GDAP2: variants seen among roughly 807,000 people sequenced by gnomAD.
GDAP2 encodes ganglioside induced differentiation associated protein 2, also known as ganglioside-induced differentiation-associated protein 2.
A neutral mutation model predicts 67.0 loss-of-function variants in GDAP2; 51 were observed. That is an observed-to-expected ratio of 0.76 (90% confidence interval 0.61 to 0.96). GDAP2 has a LOEUF of 0.96. Among genes scored for constraint, GDAP2 ranks in the 40% least tolerant of loss-of-function variants. The probability of loss-of-function intolerance (pLI) is 0.00; values close to 1 mark genes in which losing one functional copy is unlikely to be tolerated. For synonymous variants in GDAP2, 203 were observed against 207.3 expected, an observed-to-expected ratio of 0.98 and a Z score of 0.18; for missense variants, 547 against 588.3, an observed-to-expected ratio of 0.93 and a Z score of 0.73.
At chr1:117,893,994 A>G (rs1340669013) in intron 8 of GDAP2, among the ~76,000 whole-genome samples, 1 of 152,178 alleles carries the variant, frequency 6.6e-6, no homozygotes, top group Non-Finnish European at 1.5e-5. Context: ...GTATTTTTTA[A>G]CTTGCAAATC....
chr1:117,873,027 T>C (rs1288172162), intron 13 of GDAP2, among the ~76,000 whole-genome samples: 1 of 152,124 alleles, frequency 6.6e-6, no homozygotes, highest in Non-Finnish European at 1.5e-5. Context: ...CTATTACCAA[T>C]TTTTTCTAAG....
At chr1:117,884,225 T>C (rs1407682058) in intron 10 of GDAP2, among the ~76,000 whole-genome samples, 1 of 152,096 alleles carries the variant, frequency 6.6e-6, no homozygotes, top group Non-Finnish European at 1.5e-5. Flanking sequence ...TAGATGGCAA[T>C]AGGTTGGGAA....
intron 3 of GDAP2, among the ~76,000 whole-genome samples, chr1:117,917,054 G>C (rs1650073193): frequency 6.6e-6 from 1 of 150,770 alleles, no homozygotes; most frequent in Admixed American, 6.6e-5. Flanking sequence ...AAAAAAGAAA[G>C]AAAAAGAAAA....
In GDAP2 at chr1:117,864,796, G is replaced by T. The variant is rs149120896; in HGVS notation, c.*5773C>A. The T allele has an allele frequency of 6.6e-6, 1 of 152,006 alleles. No individual in the cohort carries two copies. Among genetic ancestry groups the T allele is most frequent in the East Asian group, 1.9e-4 (1 of 5,186 alleles). 9.4% of individuals were successfully genotyped at this position (152,006 alleles called of 1,614,324 possible). On this transcript the variant is annotated 3_prime_UTR_variant, in exon 14 of 14. Transcript: ENST00000369443. The stretch of plus-strand genomic sequence containing the variant: ...TTTGAGAAAACTGGTCTACACGGTC[G>T]GTCCTGCTTGTGAATGTCGTCTTCA...
intron 1 of GDAP2, among the ~76,000 whole-genome samples, chr1:117,920,994 A>G (rs1159901264): frequency 6.6e-6 from 1 of 152,178 alleles, no homozygotes; most frequent in Non-Finnish European, 1.5e-5. Context: ...GGTGTGTGAG[A>G]CAGTGATATG....
intron 13 of GDAP2, among the ~76,000 whole-genome samples, chr1:117,875,415 G>A (rs1470243442): frequency 6.6e-6 from 1 of 152,208 alleles, no homozygotes; most frequent in African/African-American, 2.4e-5. Flanking sequence ...AGTGGTGGAG[G>A]CTTGGCAGCT....
At chr1:117,909,896 T>A (rs187758348) in intron 5 of GDAP2, among the ~76,000 whole-genome samples, 230 of 152,236 alleles carry the variant, frequency 1.5e-3, no homozygotes, top group Non-Finnish European at 2.8e-3. Flanking sequence ...ATTCAGAACC[T>A]TTTCTACAAA....
rs932981854 is a variant in GDAP2 at position 117,866,910 on chromosome 1, A to G, written c.*3659T>C. On this transcript the variant is annotated 3_prime_UTR_variant, in exon 14 of 14. Transcript: ENST00000369443. The stretch of plus-strand genomic sequence containing the variant: ...AAGAAAAAGAAACCTAACTAACTCC[A>G]GTTTTCAAGGTGTTTTTATATTATC... 3.3e-5 allele frequency: 5 copies of G among 151,492 alleles called. No individual in the cohort carries two copies. Among genetic ancestry groups the G allele is most frequent in the African/African-American group, 9.7e-5 (4 of 41,216 alleles). 9.4% of individuals were successfully genotyped at this position (151,492 alleles called of 1,614,324 possible). A position where few individuals can be genotyped will look rare whatever the true frequency, so the allele number is the denominator to read the frequency against.
chr1:117,923,976 T>C (rs536026141), intron 1 of GDAP2, among the ~76,000 whole-genome samples: 1 of 152,372 alleles, frequency 6.6e-6, no homozygotes, highest in Admixed American at 6.5e-5. Flanking sequence ...ACAGTCTGGA[T>C]ATTGTTGCTT....
rs1282648073 is a variant in GDAP2 at position 117,864,238 on chromosome 1, T to G, written c.*6331A>C. 2 of 152,258 alleles carry G rather than the reference T, an allele frequency of 1.3e-5. No homozygotes were observed. Among genetic ancestry groups the G allele is most frequent in the Admixed American group, 1.3e-4 (2 of 15,280 alleles). The allele number at this position is 152,258 out of a possible 1,614,324, so 9.4% of individuals were successfully genotyped here. The stretch of plus-strand genomic sequence containing the variant: ...AAAACCAAATATTGGCAGAACCATC[T>G]CAGTGCTTAGGTTTGTATTTGTATT... On this transcript the variant is annotated 3_prime_UTR_variant, in exon 14 of 14. Coordinates refer to ENST00000369443, the MANE Select transcript of GDAP2 (RefSeq NM_017686.4).
chr1:117,870,772 A>T (rs1289756686), intron 13 of GDAP2, among the ~76,000 whole-genome samples, 156 bp from the exon 14 acceptor site: 1 of 152,218 alleles, frequency 6.6e-6, no homozygotes, highest in East Asian at 1.9e-4. Flanking sequence ...TAGTTCAACT[A>T]GTATCACTCA....
At chr1:117,921,673 G>A (rs1349828195) in intron 1 of GDAP2, among the ~76,000 whole-genome samples, 1 of 152,208 alleles carries the variant, frequency 6.6e-6, no homozygotes, top group African/African-American at 2.4e-5. Flanking sequence ...ACTATGGTAA[G>A]AAGTTTAGAT....
chr1:117,890,521 G>A (rs907916362), intron 8 of GDAP2, among the ~76,000 whole-genome samples: 2 of 151,812 alleles, frequency 1.3e-5, no homozygotes, highest in East Asian at 1.9e-4. Context: ...GAAAACACTC[G>A]CATAACTGGT....
chr1:117,901,384 C>T (rs1649464188), intron 6 of GDAP2, among the ~76,000 whole-genome samples: 1 of 152,224 alleles, frequency 6.6e-6, no homozygotes, highest in South Asian at 2.1e-4. Context: ...ATACACCTAA[C>T]AGTCAAACTG....
intron 10 of GDAP2, among the ~76,000 whole-genome samples, chr1:117,883,955 G>C (rs995174450): frequency 6.6e-6 from 1 of 152,052 alleles, no homozygotes; most frequent in Non-Finnish European, 1.5e-5. Context: ...CAACTACCAG[G>C]TTTTCTCTCT....
At chr1:117,928,131 G>A (rs995858952) in intron 1 of GDAP2, among the ~76,000 whole-genome samples, 3 of 151,926 alleles carry the variant, frequency 2.0e-5, no homozygotes, top group Non-Finnish European at 1.5e-5. Context: ...AACCAAACCC[G>A]TGTTCAAGAT....
intron 2 of GDAP2, among the ~76,000 whole-genome samples, chr1:117,919,717 GT>G (rs767637904): frequency 1.3e-5 from 2 of 152,188 alleles, no homozygotes; most frequent in Non-Finnish European, 2.9e-5. Flanking sequence ...CAGTAAAGCA[GT>G]TTTTTAAAGC....
chr1:117,864,147 A>G lies in GDAP2; in HGVS notation c.*6422T>C, dbSNP rs941476414. The G allele has an allele frequency of 2.6e-5, 4 of 152,242 alleles. No homozygotes were observed. Among genetic ancestry groups the G allele is most frequent in the South Asian group, 4.1e-4 (2 of 4,830 alleles). 9.4% of individuals were successfully genotyped at this position (152,242 alleles called of 1,614,324 possible). ...CATGAACTTACTATGAGAATTATGC[A>G]TTATTCATGTTGATGAAACATTTTA... On this transcript the variant is annotated 3_prime_UTR_variant, in exon 14 of 14. Coordinates refer to ENST00000369443, the MANE Select transcript of GDAP2 (RefSeq NM_017686.4).
chr1:117,920,140 A>G (rs1282800187), intron 2 of GDAP2, 42 bp downstream of exon 2: 2 of 1,130,388 alleles, frequency 1.8e-6, no homozygotes. Flanking sequence ...AAATTATGAG[A>G]AAGTGTTATC....
Sources: gnomAD v4.1 joint callset for allele counts (sites outside exome capture counted in the v4.1 genomes callset) on GRCh38, gnomAD v4.1.1 for gene constraint, MANE v1.5 for transcripts, NCBI Gene and HGNC (gene_info 2026-07-23, HGNC 2026-07-21) for gene names.